The following SNAP91 variants were observed in gnomAD, a reference collection of about 807,000 sequenced individuals.
SNAP91 encodes the protein synaptosome associated protein 91.
A neutral mutation model predicts 100.3 loss-of-function variants in SNAP91; 27 were observed. The ratio of observed to expected loss-of-function variants is 0.27; its 90% CI spans 0.20 to 0.37. The LOEUF is 0.37. Ranked by LOEUF, SNAP91 falls within the 10% of genes least tolerant of loss-of-function variation. The probability of loss-of-function intolerance (pLI) is 1.00; values close to 1 mark genes in which losing one functional copy is unlikely to be tolerated. For synonymous variants in SNAP91, 404 were observed against 398.6 expected, an observed-to-expected ratio of 1.01 and a Z score of -0.16; for missense variants, 986 against 1,123.7, an observed-to-expected ratio of 0.88 and a Z score of 1.75.
At chr6:83,583,881 G>A (rs1204923705) in intron 22 of SNAP91, among the ~76,000 whole-genome samples, 2 of 152,060 alleles carry the variant, frequency 1.3e-5, no homozygotes, top group African/African-American at 4.8e-5. Context: ...GTGGGTTTAG[G>A]CTTTCCTCAT....
chr6:83,670,356 ATTTG>A (rs1237844613), intron 2 of SNAP91, among the ~76,000 whole-genome samples: 1 of 146,730 alleles, frequency 6.8e-6, no homozygotes, highest in Non-Finnish European at 1.5e-5. Context: ...CGAGCTTTTC[ATTTG>A]TTTATTTGCC....
At chr6:83,565,013 T>C (rs1409105347) in intron 26 of SNAP91, among the ~76,000 whole-genome samples, 1 of 150,844 alleles carries the variant, frequency 6.6e-6, no homozygotes, top group Non-Finnish European at 1.5e-5. Context: ...ATTTATCTGA[T>C]AAGCATCTAG....
At position 83,592,995 on chromosome 6, in the gene SNAP91, T is replaced by C. The variant is rs1382519943; in HGVS notation, c.1797A>G (p.Gln599=). ...FSTDAFSSPP[Q]GASPVPESSL... ...AACTCTCAGGCACAGGAGAGGCCCCTTGTGGTGGAGAGGAGAAAGCATCTT... is the reference window on the plus strand; with the variant it reads ...AACTCTCAGGCACAGGAGAGGCCCCCTGTGGTGGAGAGGAGAAAGCATCTT... Residue 599 remains glutamine, a synonymous_variant, in exon 20 of 30, where the codon CAA becomes CAG. Coordinates refer to ENST00000369694, the MANE Select transcript of SNAP91 (RefSeq NM_001242792.2). The C allele has an allele frequency of 1.3e-6, 2 of 1,584,952 alleles. No individual in the cohort carries two copies. The highest frequency in any genetic ancestry group is 1.8e-5 in the Admixed American group (1 of 55,914).
chr6:83,611,091 C>T (rs1245732475), intron 11 of SNAP91, among the ~76,000 whole-genome samples: 5 of 151,958 alleles, frequency 3.3e-5, no homozygotes, highest in Admixed American at 6.6e-5. Context: ...TTATGACAAA[C>T]CCCAACACCC....
At chr6:83,667,138 C>T (rs940509151) in intron 2 of SNAP91, among the ~76,000 whole-genome samples, 12 of 151,940 alleles carry the variant, frequency 7.9e-5, no homozygotes, top group South Asian at 4.1e-4. Flanking sequence ...TACAAAATAA[C>T]GCATGGGTAA....
At chr6:83,569,671 C>T (rs1227419503) in intron 26 of SNAP91, among the ~76,000 whole-genome samples, 2 of 152,160 alleles carry the variant, frequency 1.3e-5, no homozygotes, top group African/African-American at 4.8e-5. Flanking sequence ...ATCTTGAATT[C>T]CCATGTGTTG....
At chr6:83,574,929 A>T in intron 26 of SNAP91, 81 bp downstream of exon 26, 1 of 871,860 alleles carries the variant, frequency 1.1e-6, no homozygotes, top group Non-Finnish European at 1.8e-6. Context: ...TCGGCAGCAA[A>T]GTTAGCAAAA....
Position 83,560,110 on chromosome 6 carries a change from G to A in SNAP91, c.2625C>T (p.Gly875=). 2 of 1,613,014 alleles carry A rather than the reference G, an allele frequency of 1.2e-6. No individual in the cohort carries two copies. Among genetic ancestry groups the A allele is most frequent in the Non-Finnish European group, 1.7e-6 (2 of 1,179,046 alleles). Residue 875 remains glycine (G), a synonymous_variant, in exon 28 of 30, where the codon GGC becomes GGT. Coordinates refer to ENST00000369694, the MANE Select transcript of SNAP91 (RefSeq NM_001242792.2). ...GGACATTGAAGAAACTGACCTGCGT[G>A]CCAGGTACAGCGGCAGCTCCAAAGG... ...RPPFGAAAVP[G]TQLSPSPTPA...
chr6:83,568,633 G>C (rs1451769903), intron 26 of SNAP91, among the ~76,000 whole-genome samples: 1 of 152,132 alleles, frequency 6.6e-6, no homozygotes, highest in African/African-American at 2.4e-5. Context: ...TCCTGCTAAG[G>C]TTTTTAGATC....
intron 2 of SNAP91, among the ~76,000 whole-genome samples, chr6:83,690,653 G>T (rs185673948): frequency 6.6e-6 from 1 of 152,042 alleles, no homozygotes; most frequent in Non-Finnish European, 1.5e-5. Context: ...CAAGAGAGAG[G>T]TAAGTCTTAT....
chr6:83,678,833 A>T (rs1316544752), intron 2 of SNAP91: 2 of 1,278,804 alleles, frequency 1.6e-6, no homozygotes, highest in Non-Finnish European at 2.0e-6. Context: ...ATCCAATAAA[A>T]ATCCAAGTCT....
chr6:83,599,162 T>C (rs1041301027), intron 16 of SNAP91, among the ~76,000 whole-genome samples: 2 of 152,184 alleles, frequency 1.3e-5, no homozygotes, highest in Admixed American at 6.5e-5. Flanking sequence ...TTGATGAATA[T>C]AGTCAAAACA....
chr6:83,657,743 A>G (rs1328634452), intron 6 of SNAP91, among the ~76,000 whole-genome samples: 3 of 149,036 alleles, frequency 2.0e-5, no homozygotes, highest in African/African-American at 7.4e-5. Flanking sequence ...ATGTCAAAAT[A>G]TTTTACTTTC....
intron 24 of SNAP91, among the ~76,000 whole-genome samples, chr6:83,578,228 C>T (rs770635401): frequency 1.3e-5 from 2 of 152,032 alleles, no homozygotes; most frequent in Non-Finnish European, 2.9e-5. Flanking sequence ...CCACTCCATA[C>T]ACCTAGGAGT....
chr6:83,644,793 A>T (rs1419965950), intron 7 of SNAP91, among the ~76,000 whole-genome samples: 1 of 152,216 alleles, frequency 6.6e-6, no homozygotes, highest in Non-Finnish European at 1.5e-5. Context: ...TGATTCCAAC[A>T]TTAGGTGTAA....
At chr6:83,657,052 A>G (rs1174684176) in intron 6 of SNAP91, among the ~76,000 whole-genome samples, 187 bp from the exon 7 acceptor site, 1 of 152,178 alleles carries the variant, frequency 6.6e-6, no homozygotes, top group Admixed American at 6.5e-5. Flanking sequence ...AATTTAAGTC[A>G]ATGAGGTTAG....
At chr6:83,586,763 G>T (rs1031033512) in intron 22 of SNAP91, among the ~76,000 whole-genome samples, 2 of 152,048 alleles carry the variant, frequency 1.3e-5, no homozygotes, top group African/African-American at 2.4e-5. Flanking sequence ...CAATGGCTTG[G>T]AAAGAATTAC....
chr6:83,594,546 G>T (rs2094234347), intron 16 of SNAP91, 65 bp from the exon 17 acceptor site: 9 of 1,019,478 alleles, frequency 8.8e-6, no homozygotes, highest in Non-Finnish European at 1.2e-5. Flanking sequence ...TACAGTAAAA[G>T]AACCAAGTTA....
At chr6:83,623,455 T>C (rs2096810566) in intron 8 of SNAP91, 113 bp from the exon 9 acceptor site, 8 of 722,474 alleles carry the variant, frequency 1.1e-5, no homozygotes. Flanking sequence ...TGTAAATGAA[T>C]TATTTTATGT....
Sources: gnomAD v4.1 joint callset for allele counts (sites outside exome capture counted in the v4.1 genomes callset) on GRCh38, gnomAD v4.1.1 for gene constraint, MANE v1.5 for transcripts, NCBI Gene and HGNC (gene_info 2026-07-23, HGNC 2026-07-21) for gene names.